Variants in NALF1 observed in about 807,000 individuals in gnomAD.
NALF1 encodes the protein family with sequence similarity 155 member A.
Under a neutral mutation model 48.4 loss-of-function variants are expected in NALF1, and 3 were observed. That is an observed-to-expected ratio of 0.06 (90% CI 0.03 to 0.16). NALF1 has a LOEUF of 0.16. Ranked by LOEUF, NALF1 falls within the 10% of genes least tolerant of loss-of-function variation. The probability of loss-of-function intolerance (pLI) is 1.00; values close to 1 mark genes in which losing one functional copy is unlikely to be tolerated. For missense variants in NALF1, 526 were observed against 571.5 expected (o/e 0.92, Z 0.81); for synonymous variants, 262 against 245.7 (o/e 1.07, Z -0.62).
intron 1 of NALF1, among the ~76,000 whole-genome samples, chr13:107,373,507 T>C (rs1221969043): frequency 6.6e-6 from 1 of 152,188 alleles, no homozygotes; most frequent in South Asian, 2.1e-4. Context: ...TGCCTTGCTC[T>C]GTCCCTCCTA....
chr13:107,794,157 G>T (rs550154119), intron 1 of NALF1, among the ~76,000 whole-genome samples: 2 of 152,230 alleles, frequency 1.3e-5, no homozygotes, highest in South Asian at 4.1e-4. Context: ...ACTTAACCTG[G>T]ATCCACGGGA....
intron 2 of NALF1, among the ~76,000 whole-genome samples, chr13:107,195,360 A>C (rs1300160005): frequency 6.6e-6 from 1 of 152,240 alleles, no homozygotes; most frequent in Non-Finnish European, 1.5e-5. Context: ...TGCTAGTTAC[A>C]TTTGTAATGG....
At chr13:107,513,760 T>C (rs1485200311) in intron 1 of NALF1, among the ~76,000 whole-genome samples, 1 of 152,218 alleles carries the variant, frequency 6.6e-6, no homozygotes, top group African/African-American at 2.4e-5. Context: ...GGCTTGGACC[T>C]GCAGGAGAAC....
At chr13:107,674,478 CT>C (rs1378997050) in intron 1 of NALF1, among the ~76,000 whole-genome samples, 1 of 152,158 alleles carries the variant, frequency 6.6e-6, no homozygotes, top group Non-Finnish European at 1.5e-5. Context: ...TCCTCTGAAC[CT>C]TATGCCCTTC....
chr13:107,730,306 C>T (rs1223336417), intron 1 of NALF1, among the ~76,000 whole-genome samples: 1 of 152,170 alleles, frequency 6.6e-6, no homozygotes, highest in Non-Finnish European at 1.5e-5. Flanking sequence ...GATTCAGGCT[C>T]AATCAATACT....
In NALF1 at chr13:107,552,360, TATG is replaced by T. The variant is rs559999842; in HGVS notation, c.915+313319_915+313321del. On this transcript the variant is annotated intron_variant, in intron 1 of 2. Coordinates refer to ENST00000375915, the MANE Select transcript of NALF1 (RefSeq NM_001080396.3). Reference sequence around the variant, plus strand: ...TCATGGTTACTATTTAGTTTCAAAATATGATATCGTTATTTAAGTAGATTAATG... The same window carrying T: ...TCATGGTTACTATTTAGTTTCAAAATATATCGTTATTTAAGTAGATTAATG... Among the ~76,000 whole-genome samples the T allele has an allele frequency of 2.3e-4, 35 of 152,294 alleles. No homozygotes were observed. In the East Asian group the frequency reaches 6.6e-3, roughly 29 times the overall value.
intron 1 of NALF1, among the ~76,000 whole-genome samples, chr13:107,331,974 T>G (rs972647209): frequency 6.6e-6 from 1 of 152,210 alleles, no homozygotes; most frequent in African/African-American, 2.4e-5. Flanking sequence ...CTATGTATAC[T>G]GTCTATTTTT....
chr13:107,661,963 T>G (rs1880744049), intron 1 of NALF1, among the ~76,000 whole-genome samples: 1 of 152,174 alleles, frequency 6.6e-6, no homozygotes, highest in African/African-American at 2.4e-5. Flanking sequence ...TAAAATCTTT[T>G]AAAAAATTGT....
intron 1 of NALF1, among the ~76,000 whole-genome samples, chr13:107,837,009 C>G (rs1879910277): frequency 6.6e-6 from 1 of 152,054 alleles, no homozygotes; most frequent in Non-Finnish European, 1.5e-5. Context: ...AGTAAAGGGC[C>G]TTTTCTTGCT....
chr13:107,645,574 T>A (rs1880292613), intron 1 of NALF1, among the ~76,000 whole-genome samples: 1 of 152,022 alleles, frequency 6.6e-6, no homozygotes, highest in Non-Finnish European at 1.5e-5. Context: ...TCTCTTTTCT[T>A]GTCCTGTTTT....
intron 1 of NALF1, among the ~76,000 whole-genome samples, chr13:107,645,571 T>G (rs1002363252): frequency 6.6e-6 from 1 of 152,026 alleles, no homozygotes; most frequent in Non-Finnish European, 1.5e-5. Context: ...TTATCTCTTT[T>G]CTTGTCCTGT....
At position 107,621,326 on chromosome 13, in the gene NALF1, C is replaced by T. The variant is rs139656451; in HGVS notation, c.915+244356G>A. Among the ~76,000 whole-genome samples, 632 of 152,216 alleles carry T rather than the reference C, an allele frequency of 4.2e-3. 8 individuals carry two copies. Among genetic ancestry groups the T allele is most frequent in the African/African-American group, 0.015 (616 of 41,532 alleles). On this transcript the variant is annotated intron_variant, in intron 1 of 2. Transcript: ENST00000375915. ...CTTCAGAATGAAATAATTGTAAATA[C>T]ATGTGTGCACATGCCTTTTATTAAT...
At chr13:107,401,602 C>T (rs1040421700) in intron 1 of NALF1, among the ~76,000 whole-genome samples, 6 of 151,848 alleles carry the variant, frequency 4.0e-5, no homozygotes, top group Non-Finnish European at 8.8e-5. Context: ...TTGTTCATTT[C>T]CATGTCAAAG....
chr13:107,549,372 G>A (rs1877226258), intron 1 of NALF1, among the ~76,000 whole-genome samples: 1 of 152,146 alleles, frequency 6.6e-6, no homozygotes, highest in South Asian at 2.1e-4. Flanking sequence ...ATTTTTAAGA[G>A]GTTGCCATTA....
At chr13:107,660,471 ACACACACACACAC>A (rs1566434049) in intron 1 of NALF1, among the ~76,000 whole-genome samples, 34 of 124,004 alleles carry the variant, frequency 2.7e-4, no homozygotes, top group African/African-American at 1.3e-3. Flanking sequence ...ACACACACAC[ACACACACACACAC>A]AACAAAGAAA....
At chr13:107,720,078 C>T (rs1875938290) in intron 1 of NALF1, among the ~76,000 whole-genome samples, 1 of 152,210 alleles carries the variant, frequency 6.6e-6, no homozygotes, top group African/African-American at 2.4e-5. Context: ...GCCTCTCCTG[C>T]CCACGTGCAA....
At chr13:107,532,119 T>C (rs1390064290) in intron 1 of NALF1, among the ~76,000 whole-genome samples, 1 of 152,120 alleles carries the variant, frequency 6.6e-6, no homozygotes, top group Admixed American at 6.6e-5. Context: ...TCCTTTGATG[T>C]GCTAGGTTCT....
Position 107,166,864 on chromosome 13 carries a change from G to T in NALF1, c.*3633C>A, listed in dbSNP as rs886651662. On this transcript the variant is annotated 3_prime_UTR_variant, in exon 3 of 3. Coordinates refer to ENST00000375915, the MANE Select transcript of NALF1 (RefSeq NM_001080396.3). ...TTTTCTTTTGTTTTAATGACTACAG[G>T]TTCTAGTACCTAAGGTACCAATTTA... 7 of 151,400 alleles carry T rather than the reference G, an allele frequency of 4.6e-5. No homozygotes were observed. The highest frequency in any genetic ancestry group is 1.5e-4 in the African/African-American group (6 of 41,134). The allele number at this position is 151,400 out of a possible 1,614,324, so 9.4% of individuals were successfully genotyped here. A position where few individuals can be genotyped will look rare whatever the true frequency, so the allele number is the denominator to read the frequency against.
intron 1 of NALF1, among the ~76,000 whole-genome samples, chr13:107,809,713 G>A (rs781379819): frequency 5.3e-5 from 8 of 151,932 alleles, no homozygotes; most frequent in East Asian, 1.9e-4. Flanking sequence ...TTAATATCAC[G>A]CCCACTTTAT....
Sources: allele counts gnomAD v4.1 joint callset (sites outside exome capture counted in the v4.1 genomes callset), GRCh38; gene constraint gnomAD v4.1.1; transcripts MANE v1.5; gene names NCBI Gene and HGNC (gene_info 2026-07-23, HGNC 2026-07-21).